The following FAM163A variants were observed in gnomAD, a reference collection of about 807,000 sequenced individuals.
The protein encoded by FAM163A is family with sequence similarity 163 member A, also known as protein FAM163A.
A neutral mutation model predicts 12.0 loss-of-function variants in FAM163A; 7 were observed. The ratio of observed to expected loss-of-function variants is 0.58; its 90% CI spans 0.33 to 1.10. The LOEUF (loss-of-function observed/expected upper bound fraction) is 1.10. Ranked by LOEUF, FAM163A falls within the 50% of genes least tolerant of loss-of-function variation. The pLI is 0.03. For missense variants in FAM163A, 202 were observed against 218.6 expected (o/e 0.92, Z 0.48); for synonymous variants, 101 against 91.0 (o/e 1.11, Z -0.62).
chr1:179,740,559 A>G (rs1381537384), upstream of FAM163A, among the ~76,000 whole-genome samples: 1 of 152,170 alleles, frequency 6.6e-6, no homozygotes, highest in East Asian at 1.9e-4. Context: ...GGAACAAAAT[A>G]CTGATACAAC....
At chr1:179,734,996 T>C in the FAM163A span, among the ~76,000 whole-genome samples, 1 of 152,192 alleles carries the variant, frequency 6.6e-6, no homozygotes, top group Non-Finnish European at 1.5e-5. Flanking sequence ...GAGTTTATAT[T>C]AAAAGTTAAA....
chr1:179,767,615 C>A (rs1427972978), intron 1 of FAM163A, among the ~76,000 whole-genome samples: 2 of 151,948 alleles, frequency 1.3e-5, no homozygotes, highest in Admixed American at 1.3e-4. Flanking sequence ...GAGAAAAAAA[C>A]CCCTGTCCCC....
the FAM163A span, chr1:179,730,355 A>G: frequency 6.6e-6 from 1 of 152,186 alleles, no homozygotes; most frequent in African/African-American, 2.4e-5. Flanking sequence ...ACTCAGACCA[A>G]TCCTGGTGAT....
upstream of FAM163A, among the ~76,000 whole-genome samples, chr1:179,738,817 A>G (rs1683294118): frequency 6.6e-6 from 1 of 152,218 alleles, no homozygotes; most frequent in Non-Finnish European, 1.5e-5. Flanking sequence ...AGAGGAGATT[A>G]TTCTAATATT....
chr1:179,741,961 G>GT (rs1326650645), upstream of FAM163A: 9 of 152,308 alleles, frequency 5.9e-5, no homozygotes, highest in African/African-American at 2.2e-4. Flanking sequence ...CTGTGTTACA[G>GT]TTTATAACAA....
intron 1 of FAM163A, among the ~76,000 whole-genome samples, chr1:179,804,908 T>G (rs548292799): frequency 6.6e-6 from 1 of 152,184 alleles, no homozygotes; most frequent in Non-Finnish European, 1.5e-5. Flanking sequence ...CCCCATGACA[T>G]GAGTTGACCT....
intron 1 of FAM163A, among the ~76,000 whole-genome samples, chr1:179,751,748 A>G (rs540809610): frequency 2.6e-5 from 4 of 152,240 alleles, no homozygotes; most frequent in African/African-American, 7.2e-5. Context: ...ATCATACTCA[A>G]TGATGAAAAA....
At chr1:179,755,136 C>CTAAAAA (rs1553213967) in intron 1 of FAM163A, among the ~76,000 whole-genome samples, 1 of 109,444 alleles carries the variant, frequency 9.1e-6, no homozygotes, top group African/African-American at 3.5e-5. Context: ...GACTCTGCCT[C>CTAAAAA]AAAAAAAAAA....
intron 1 of FAM163A, among the ~76,000 whole-genome samples, chr1:179,743,860 C>T (rs182899062): frequency 6.6e-6 from 1 of 152,160 alleles, no homozygotes; most frequent in Non-Finnish European, 1.5e-5. Context: ...CCGGACCTCA[C>T]GCGGACGCCG....
Position 179,815,105 on chromosome 1 carries a change from GCGCGCACAGACACACACA to G in FAM163A, c.*918_*935del, listed in dbSNP as rs1216990005. On this transcript the variant is annotated 3_prime_UTR_variant, in exon 5 of 5. Transcript: ENST00000341785. ...TTCCCAGGTGTACGCACGCGCGCGC[GCGCGCACAGACACACACA>G]CACACACACACACACACACACACAC... The G allele has an allele frequency of 8.8e-4, 75 of 85,296 alleles. No individual in the cohort carries two copies. Among genetic ancestry groups the G allele is most frequent in the African/African-American group, 1.6e-3 (33 of 20,254 alleles). The allele number at this position is 85,296 out of a possible 1,614,324, so 5.3% of individuals were successfully genotyped here. A position where few individuals can be genotyped will look rare whatever the true frequency, so the allele number is the denominator to read the frequency against.
intron 4 of FAM163A, among the ~76,000 whole-genome samples, chr1:179,813,507 A>T (rs1694980036): frequency 1.3e-5 from 2 of 152,204 alleles, no homozygotes; most frequent in Non-Finnish European, 2.9e-5. Flanking sequence ...TGCCGCCAGC[A>T]GCTCCAGCCC....
At chr1:179,787,324 A>G (rs918378791) in intron 1 of FAM163A, among the ~76,000 whole-genome samples, 5 of 152,136 alleles carry the variant, frequency 3.3e-5, no homozygotes, top group Admixed American at 2.0e-4. Flanking sequence ...ATGCACATCA[A>G]TGATAGCTCA....
intron 1 of FAM163A, among the ~76,000 whole-genome samples, chr1:179,778,810 G>T (rs573050582): frequency 5.1e-4 from 77 of 152,294 alleles, no homozygotes; most frequent in African/African-American, 1.8e-3. Flanking sequence ...GTGCCAAGGG[G>T]CTTGTAGTGG....
chr1:179,773,631 C>A (rs1688557821), intron 1 of FAM163A, among the ~76,000 whole-genome samples: 1 of 152,182 alleles, frequency 6.6e-6, no homozygotes, highest in South Asian at 2.1e-4. Flanking sequence ...CCATTCCCCG[C>A]TGTAAGCAGT....
At chr1:179,808,631 T>C (rs1293773616) in intron 2 of FAM163A, among the ~76,000 whole-genome samples, 2 of 152,230 alleles carry the variant, frequency 1.3e-5, no homozygotes, top group Non-Finnish European at 2.9e-5. Context: ...CTGAATCTTA[T>C]ATAATCTATT....
At chr1:179,732,062 T>A in the FAM163A span, among the ~76,000 whole-genome samples, 21,746 of 152,216 alleles carry the variant, frequency 0.14, 1,755 homozygotes, top group African/African-American at 0.19. Context: ...GCTGAGAAAG[T>A]TAAATATGGA....
At chr1:179,800,164 G>C (rs1159339391) in intron 1 of FAM163A, among the ~76,000 whole-genome samples, 2 of 152,230 alleles carry the variant, frequency 1.3e-5, no homozygotes, top group African/African-American at 2.4e-5. Context: ...TTAGACCAAA[G>C]TCACAGCCCC....
chr1:179,810,159 A>G (rs1271266241), intron 2 of FAM163A, among the ~76,000 whole-genome samples: 2 of 152,172 alleles, frequency 1.3e-5, no homozygotes, highest in African/African-American at 4.8e-5. Context: ...CAGAGGACTT[A>G]TAATATAGTG....
intron 1 of FAM163A, among the ~76,000 whole-genome samples, chr1:179,786,501 A>G (rs1043331936): frequency 1.3e-5 from 2 of 152,198 alleles, no homozygotes; most frequent in Non-Finnish European, 2.9e-5. Context: ...CTTCCCCACC[A>G]AAGCCTCTGC....
Sources: gnomAD v4.1 joint callset for allele counts (sites outside exome capture counted in the v4.1 genomes callset) on GRCh38, gnomAD v4.1.1 for gene constraint, MANE v1.5 for transcripts, NCBI Gene and HGNC (gene_info 2026-07-23, HGNC 2026-07-21) for gene names.